GNAT2: variants seen among roughly 807,000 people sequenced by gnomAD.
GNAT2 encodes the protein G protein subunit alpha transducin 2, also known as guanine nucleotide-binding protein G(t) subunit alpha-2.
In GNAT2, 32 loss-of-function variants were observed where a neutral mutation model predicts 40.9. The ratio of observed to expected loss-of-function variants is 0.78; its 90% CI spans 0.59 to 1.05. GNAT2 has a LOEUF of 1.05. Ranked by LOEUF, GNAT2 falls within the 50% of genes least tolerant of loss-of-function variation. The pLI is 0.00. For missense variants in GNAT2, 355 were observed against 431.5 expected, an observed-to-expected ratio of 0.82 and a Z score of 1.57; for synonymous variants, 141 against 157.2, an observed-to-expected ratio of 0.90 and a Z score of 0.77.
intron 4 of GNAT2, 82 bp downstream of exon 4, chr1:109,609,958 A>G (rs779765795): frequency 6.6e-5 from 90 of 1,358,952 alleles, no homozygotes; most frequent in Non-Finnish European, 8.0e-5. Flanking sequence ...CCATCTTTCC[A>G]TATAGTTTGT....
chr1:109,610,595 T>C (rs1046618076), intron 2 of GNAT2, 88 bp from the exon 3 acceptor site: 5 of 1,083,974 alleles, frequency 4.6e-6, no homozygotes, highest in Non-Finnish European at 7.1e-6. Context: ...GAGCCACTGC[T>C]TGCTTGGGGG....
In GNAT2 at chr1:109,606,332, A is replaced by T. The variant is rs753083112; in HGVS notation, c.566T>A (p.Phe189Tyr). ...VKTTGIIETK[F>Y]SVKDLNFRMF... is the part of the protein sequence containing the mutation. ...CCTGAAATTCAAGTCTTTGACGGAA[A>T]ACTTGGTTTCAATGATGCCCGTGGT... Residue 189 changes from phenylalanine to tyrosine, a missense_variant, in exon 6 of 9, where the codon TTT becomes TAT. By Grantham distance (22) the Phe-to-Tyr change is conservative. Coordinates refer to ENST00000679935, the MANE Select transcript of GNAT2 (RefSeq NM_001377295.2). 1 of 1,613,750 alleles carries T rather than the reference A, an allele frequency of 6.2e-7. No homozygotes were observed. Among genetic ancestry groups the T allele is most frequent in the Non-Finnish European group, 8.5e-7 (1 of 1,179,672 alleles).
chr1:109,610,870 A>G (rs1393816120), intron 2 of GNAT2: 1 of 378,870 alleles, frequency 2.6e-6, no homozygotes, highest in Admixed American at 3.9e-5. Context: ...CTTCCTGTTG[A>G]AAACCACTAA....
At chr1:109,617,842 C>T (rs969021138) in intron 1 of GNAT2, 13 of 152,218 alleles carry the variant, frequency 8.5e-5, no homozygotes, top group Admixed American at 2.0e-4. Context: ...ACATTTGCAT[C>T]TTATCAGAAG....
chr1:109,612,935 A>T lies in GNAT2; in HGVS notation c.-53-12T>A. ...TCTCGTAAGGTTTCCTGTATGTGAG[A>T]TGGAAGAGAAGGAAAAAAGTTGGGA... On this transcript the variant is annotated splice_polypyrimidine_tract_variant and intron_variant, in intron 1 of 8. Coordinates refer to ENST00000679935, the MANE Select transcript of GNAT2 (RefSeq NM_001377295.2). The T allele has an allele frequency of 9.0e-7, 1 of 1,105,596 alleles. No individual in the cohort carries two copies. The allele number at this position is 1,105,596 out of a possible 1,614,324, so 68.5% of individuals were successfully genotyped here. A position where few individuals can be genotyped will look rare whatever the true frequency, so the allele number is the denominator to read the frequency against.
chr1:109,610,317 G>C (rs1012716853), intron 3 of GNAT2, 136 bp from the exon 4 acceptor site: 1 of 1,216,708 alleles, frequency 8.2e-7, no homozygotes, highest in Non-Finnish European at 1.2e-6. Context: ...GGAGGGTGAG[G>C]GACAAGGGGT....
rs146695290 is a variant in GNAT2, at chr1:109,610,041, G to T, written c.302C>A (p.Ala101Glu). Residue 101 changes from alanine to glutamate, a missense_variant and splice_region_variant, in exon 4 of 9, where the codon GCG (alanine) becomes GAG (glutamate). Ala to Glu is a moderately radical substitution (Grantham distance 107, BLOSUM62 -1). Transcript: ENST00000679935. Reference protein sequence around the residue: ...LGIDYAEPSCADDGRQLNNLA... With the variant: ...LGIDYAEPSCEDDGRQLNNLA... ...AACCACATAATAGTAATCACATACC[G>T]CACAGCTTGGTTCAGCATAATCGAT... 1.2e-5 allele frequency: 20 copies of T among 1,613,488 alleles called. No individual in the cohort carries two copies. Among genetic ancestry groups the T allele is most frequent in the South Asian group, 3.3e-5 (3 of 91,070 alleles).
Position 109,603,423 on chromosome 1 carries a change from G to A in GNAT2, c.996C>T (p.Val332=). Residue 332 remains valine (V), a synonymous_variant, in exon 9 of 9, where the codon GTC becomes GTT. Transcript: ENST00000679935. ...HMTCATDTQN[V]KFVFDAVTDI... ...CTGTAACTGCATCAAACACAAATTTGACATTCTGTGTATCTGTAGCACAGG... is the reference window on the plus strand; with the variant it reads ...CTGTAACTGCATCAAACACAAATTTAACATTCTGTGTATCTGTAGCACAGG... 6.2e-7 allele frequency: 1 copy of A among 1,601,700 alleles called. No homozygotes were observed. Among genetic ancestry groups the A allele is most frequent in the Non-Finnish European group, 8.6e-7 (1 of 1,168,750 alleles).
In GNAT2 at chr1:109,606,378, C is replaced by T. The variant is rs1215776841; in HGVS notation, c.520G>A (p.Val174Met). Residue 174 changes from valine (V) to methionine (M), a missense_variant, in exon 6 of 9, where the codon GTG (valine) becomes ATG (methionine). Transcript: ENST00000679935. ...DPEYLPSEQD[V>M]LRSRVKTTGI... ...GTGGTTTTGACTCTGGATCGGAGCA[C>T]ATCTTGCTCACTAGGGAGGTACTCA... 9.9e-6 allele frequency: 16 copies of T among 1,610,882 alleles called. No individual in the cohort carries two copies. Among genetic ancestry groups the T allele is most frequent in the Non-Finnish European group, 1.4e-5 (16 of 1,177,082 alleles).
chr1:109,608,843 G>C lies in GNAT2; in HGVS notation c.304-55C>G, dbSNP rs1213919409. On this transcript the variant is annotated intron_variant, in intron 4 of 8. Coordinates refer to ENST00000679935, the MANE Select transcript of GNAT2 (RefSeq NM_001377295.2). ...CACAGGAGTAATAGCTTTCCAGGAG[G>C]CTTCTGGGAATACTGCTGAATGGAA... The C allele has an allele frequency of 2.8e-6, 4 of 1,405,836 alleles. No homozygotes were observed. The African/African-American group carries it at 4.2e-5, about 15-fold the overall frequency. 87.1% of individuals were successfully genotyped at this position (1,405,836 alleles called of 1,614,324 possible).
intron 2 of GNAT2, chr1:109,611,413 A>C (rs1175472654): frequency 6.6e-6 from 1 of 152,196 alleles, no homozygotes. Context: ...TCCTGACCTC[A>C]GGTAGATCCA....
rs749377354 is a variant in GNAT2 at position 109,612,753 on chromosome 1, C to T, written c.118G>A (p.Gly40Ser). ...EAKTVKLLLL[G>S]AGESGKSTIV... ...TGGCTCATCTTCCCATCTCACTCACCCAGCAGTAGCAGCTTGACAGTCTTG... is the reference window on the plus strand; with the variant it reads ...TGGCTCATCTTCCCATCTCACTCACTCAGCAGTAGCAGCTTGACAGTCTTG... The change falls in exon 2 of 9, where the codon GGT (glycine) becomes AGT (serine). Residue 40 changes from glycine (G) to serine (S), a missense_variant and splice_region_variant. Gly to Ser is a moderately conservative substitution (Grantham distance 56). Transcript: ENST00000679935. 18 of 1,561,978 alleles carry T rather than the reference C, an allele frequency of 1.2e-5. No individual in the cohort carries two copies. Among genetic ancestry groups the T allele is most frequent in the Non-Finnish European group, 1.6e-5 (18 of 1,132,522 alleles).
intron 2 of GNAT2, chr1:109,611,291 C>T (rs1191585395): frequency 6.6e-6 from 1 of 152,428 alleles, no homozygotes; most frequent in African/African-American, 2.4e-5. Flanking sequence ...ATTCTTCTGC[C>T]TCAGCCTCCT....
At chr1:109,611,161 ACAT>A (rs1316868788) in intron 2 of GNAT2, 1 of 152,556 alleles carries the variant, frequency 6.6e-6, no homozygotes, top group Non-Finnish European at 1.4e-5. Flanking sequence ...CAGGTGTGCG[ACAT>A]CATGCCCGAC....
intron 4 of GNAT2, 53 bp downstream of exon 4, chr1:109,609,987 T>G: frequency 6.3e-7 from 1 of 1,583,246 alleles, no homozygotes; most frequent in Non-Finnish European, 8.7e-7. Context: ...GGTATGTTTC[T>G]TCTTGCTAGC....
In GNAT2 at chr1:109,608,388, T is replaced by G. The variant is rs186497984; in HGVS notation, c.461+243A>C. 5.6e-5 allele frequency: 32 copies of G among 571,292 alleles called. No homozygotes were observed. The East Asian group carries it at 9.7e-4, about 17-fold the overall frequency. The allele number at this position is 571,292 out of a possible 1,614,324, so 35.4% of individuals were successfully genotyped here. A position where few individuals can be genotyped will look rare whatever the true frequency, so the allele number is the denominator to read the frequency against. Reference sequence around the variant, plus strand: ...TTTGAATTTTGCATCTTCAGCCTTGTAGGCTGTAGTGAGCCAGTGTAAAGC... The same window carrying G: ...TTTGAATTTTGCATCTTCAGCCTTGGAGGCTGTAGTGAGCCAGTGTAAAGC... On this transcript the variant is annotated intron_variant, in intron 5 of 8. Coordinates refer to ENST00000679935, the MANE Select transcript of GNAT2 (RefSeq NM_001377295.2).
chr1:109,603,974 C>T lies in GNAT2; in HGVS notation c.851G>A (p.Ser284Asn). 1 of 1,609,992 alleles carries T rather than the reference C, an allele frequency of 6.2e-7. No individual in the cohort carries two copies. The highest frequency in any genetic ancestry group is 1.1e-5 in the South Asian group (1 of 90,992). ...ACCATCATACTCTGGAAAACAAATG[C>T]TGAGATGGACTTTCTTGATTTTTTC... is the stretch of plus-strand genomic sequence containing the variant. ...FEEKIKKVHL[S>N]ICFPEYDGNN... The change falls in exon 8 of 9, where the codon AGC becomes AAC. Residue 284 changes from serine to asparagine, a missense_variant. Ser to Asn is a conservative substitution (Grantham distance 46). Transcript: ENST00000679935.
Position 109,606,027 on chromosome 1 carries a change from G to C in GNAT2, c.663C>G (p.Ile221Met). 5 of 1,612,596 alleles carry C rather than the reference G, an allele frequency of 3.1e-6. No homozygotes were observed. The highest frequency in any genetic ancestry group is 1.7e-4 in the Middle Eastern group (1 of 6,056). The change falls in exon 7 of 9, where the codon ATC becomes ATG. Residue 221 changes from isoleucine (I) to methionine (M), a missense_variant. Transcript: ENST00000679935. ...WIHCFEGVTC[I>M]IFCAALSAYD... ...AGGCACTGAGGGCTGCACAGAAAATGATGCAGGTGACTCCCTCGAAGCAGT... is the reference window on the plus strand; with the variant it reads ...AGGCACTGAGGGCTGCACAGAAAATCATGCAGGTGACTCCCTCGAAGCAGT...
intron 6 of GNAT2, 60 bp downstream of exon 6, chr1:109,606,248 G>A: frequency 6.3e-7 from 1 of 1,593,032 alleles, no homozygotes; most frequent in Non-Finnish European, 8.6e-7. Context: ...AAGCCTGCCT[G>A]TGCCCCTTTT....
Sources: gnomAD v4.1 joint callset for allele counts on GRCh38, gnomAD v4.1.1 for gene constraint, MANE v1.5 for transcripts, NCBI Gene and HGNC (gene_info 2026-07-23, HGNC 2026-07-21) for gene names.